The following FAM151B variants were observed in gnomAD, a reference collection of about 807,000 sequenced individuals.
FAM151B encodes the protein family with sequence similarity 151 member B, also known as protein FAM151B.
In FAM151B, 24 loss-of-function variants were observed where a neutral mutation model predicts 31.2. That is an observed-to-expected ratio of 0.77 (90% confidence interval 0.56 to 1.08). The LOEUF is 1.08. Ranked by LOEUF, FAM151B falls within the 50% of genes least tolerant of loss-of-function variation. The pLI is 0.00. For missense variants in FAM151B, 293 were observed against 328.6 expected, an observed-to-expected ratio of 0.89 and a Z score of 0.84; for synonymous variants, 105 against 111.4, an observed-to-expected ratio of 0.94 and a Z score of 0.36.
intron 2 of FAM151B, among the ~76,000 whole-genome samples, chr5:80,506,449 C>G (rs534531475): frequency 6.6e-6 from 1 of 152,276 alleles, no homozygotes; most frequent in South Asian, 2.1e-4. Context: ...TAAAGCTCAC[C>G]TGACCCCTGG....
At position 80,542,124 on chromosome 5, in the gene FAM151B, G is replaced by T; in HGVS notation, c.*292G>T. ...TAGTTTTGATAAACTAAAGATGATT[G>T]GCAGAATCCATATGTCATAAAACAG... is the stretch of plus-strand genomic sequence containing the variant. On this transcript the variant is annotated 3_prime_UTR_variant, in exon 6 of 6. Transcript: ENST00000282226. 1 of 288,628 alleles carries T rather than the reference G, an allele frequency of 3.5e-6. No individual in the cohort carries two copies. The highest frequency in any genetic ancestry group is 6.4e-6 in the Non-Finnish European group (1 of 156,090). The allele number at this position is 288,628 out of a possible 1,614,324, so 17.9% of individuals were successfully genotyped here. A position where few individuals can be genotyped will look rare whatever the true frequency, so the allele number is the denominator to read the frequency against.
chr5:80,531,794 A>T (rs574156124), intron 5 of FAM151B, among the ~76,000 whole-genome samples: 2 of 152,178 alleles, frequency 1.3e-5, no homozygotes, highest in Non-Finnish European at 2.9e-5. Flanking sequence ...TGGTGGGACT[A>T]TAAACTAGTT....
chr5:80,525,645 C>G (rs1744923494), intron 5 of FAM151B, among the ~76,000 whole-genome samples: 1 of 152,082 alleles, frequency 6.6e-6, no homozygotes, highest in South Asian at 2.1e-4. Context: ...TCTGCTAACC[C>G]TGGGAATGTC....
chr5:80,540,687 C>T (rs1005886466), intron 5 of FAM151B, among the ~76,000 whole-genome samples: 1 of 152,096 alleles, frequency 6.6e-6, no homozygotes, highest in South Asian at 2.1e-4. Flanking sequence ...TCCATTTTAG[C>T]AAAAAATATA....
At chr5:80,501,109 G>GT (rs1561362284) in intron 1 of FAM151B, 2 of 381,644 alleles carry the variant, frequency 5.2e-6, no homozygotes, top group Non-Finnish European at 9.7e-6. Flanking sequence ...TGCCTCCCAT[G>GT]TTCAAGCGAT....
At chr5:80,532,147 C>A (rs1745270498) in intron 5 of FAM151B, among the ~76,000 whole-genome samples, 1 of 144,910 alleles carries the variant, frequency 6.9e-6, no homozygotes, top group African/African-American at 2.6e-5. Flanking sequence ...TGTGTTCTCA[C>A]TCATAGGTGG....
chr5:80,513,695 C>T lies in FAM151B; in HGVS notation c.243C>T (p.Asn81=), dbSNP rs1469000804. Residue 81 remains asparagine (N), a synonymous_variant, in exon 3 of 6, where the codon AAC becomes AAT. Transcript: ENST00000282226. ...TTATGGCCCATCCCCCTGAAACAAA[C>T]AGTGATAATACTCTACAGGAGTGGC... ...QPIMAHPPET[N]SDNTLQEWLT... The T allele has an allele frequency of 3.7e-6, 6 of 1,613,982 alleles. No homozygotes were observed. The highest frequency in any genetic ancestry group is 2.2e-5 in the East Asian group (1 of 44,888).
intron 3 of FAM151B, among the ~76,000 whole-genome samples, chr5:80,518,138 A>C (rs6453519): frequency 6.6e-6 from 1 of 151,568 alleles, no homozygotes; most frequent in Non-Finnish European, 1.5e-5. Flanking sequence ...TAAACCACTC[A>C]CTCTATGTCA....
intron 4 of FAM151B, 80 bp downstream of exon 4, chr5:80,519,990 C>A: frequency 7.6e-7 from 1 of 1,322,702 alleles, no homozygotes; most frequent in South Asian, 1.4e-5. Flanking sequence ...ATACAAAGAC[C>A]AAAACCCATT....
chr5:80,532,395 A>G (rs1299851209), intron 5 of FAM151B, among the ~76,000 whole-genome samples: 1 of 152,214 alleles, frequency 6.6e-6, no homozygotes, highest in Admixed American at 6.5e-5. Flanking sequence ...CACAAAAACT[A>G]TAAGAGACTA....
chr5:80,511,930 G>A (rs753603875), intron 2 of FAM151B, among the ~76,000 whole-genome samples: 4 of 152,180 alleles, frequency 2.6e-5, no homozygotes, highest in Non-Finnish European at 4.4e-5. Context: ...TAAATGGTCA[G>A]CATTGTTTTT....
rs1554059092 is a variant in FAM151B at position 80,538,483 on chromosome 5, T to TTTCTTTCTTTCCTTCC, written c.672-3187_672-3186insTTTCTTTCCTTCCTTC. On this transcript the variant is annotated intron_variant, in intron 5 of 5. Transcript: ENST00000282226. ...CTTTCTTTCTTTCTTTCTTTCTTTC[T>TTTCTTTCTTTCCTTCC]TTCCTTCCTTCCTTCCTTTCTTTTC... Among the ~76,000 whole-genome samples the TTTCTTTCTTTCCTTCC allele has an allele frequency of 6.9e-4, 70 of 101,084 alleles. 1 individual carries two copies. The highest frequency in any genetic ancestry group is 1.0e-3 in the Non-Finnish European group (51 of 49,570). 66.3% of individuals were successfully genotyped at this position (101,084 alleles called of 152,430 possible). A position where few individuals can be genotyped will look rare whatever the true frequency, so the allele number is the denominator to read the frequency against.
chr5:80,529,661 A>G (rs1341553474), intron 5 of FAM151B, among the ~76,000 whole-genome samples: 1 of 152,216 alleles, frequency 6.6e-6, no homozygotes, highest in Non-Finnish European at 1.5e-5. Flanking sequence ...ATTCCTGGAC[A>G]CATATACCCT....
chr5:80,537,075 G>A (rs1193530954), intron 5 of FAM151B, among the ~76,000 whole-genome samples: 3 of 152,184 alleles, frequency 2.0e-5, no homozygotes, highest in Non-Finnish European at 2.9e-5. Flanking sequence ...ATAAATACCC[G>A]AGGGGTGGGA....
In FAM151B at chr5:80,513,649, G is replaced by T; in HGVS notation, c.197G>T (p.Gly66Val). 6.2e-7 allele frequency: 1 copy of T among 1,614,072 alleles called. No homozygotes were observed. ...IEADVLLPSD[G>V]SEHSQPIMAH... is the part of the protein sequence containing the mutation. The stretch of plus-strand genomic sequence containing the variant: ...GCTGATGTCCTTCTTCCAAGTGATG[G>T]ATCAGAACACAGCCAGCCAATTATG... The change falls in exon 3 of 6, where the codon GGA becomes GTA. Residue 66 changes from glycine (G) to valine (V), a missense_variant. Gly to Val is a moderately radical substitution (Grantham distance 109). Transcript: ENST00000282226.
intron 1 of FAM151B, among the ~76,000 whole-genome samples, chr5:80,492,868 C>G (rs796249728): frequency 4.6e-5 from 7 of 152,256 alleles, no homozygotes; most frequent in African/African-American, 1.7e-4. Context: ...GCAGGAGGAT[C>G]ACTTGAGCCC....
chr5:80,509,242 G>C (rs1004843513), intron 2 of FAM151B, among the ~76,000 whole-genome samples: 2 of 151,896 alleles, frequency 1.3e-5, no homozygotes, highest in African/African-American at 4.8e-5. Context: ...GGCTCCCAAA[G>C]TGCTGGGATT....
chr5:80,495,306 A>G (rs1743489827), intron 1 of FAM151B: 1 of 152,188 alleles, frequency 6.6e-6, no homozygotes, highest in Non-Finnish European at 1.5e-5. Flanking sequence ...TACAAGTCTT[A>G]TTATTTGAGA....
At position 80,512,771 on chromosome 5, in the gene FAM151B, C is replaced by T. The variant is rs188014594; in HGVS notation, c.152-833C>T. Among the ~76,000 whole-genome samples the T allele has an allele frequency of 4.9e-3, 656 of 133,004 alleles. 7 individuals carry two copies. The highest frequency in any genetic ancestry group is 0.019 in the African/African-American group (615 of 32,662). The allele number at this position is 133,004 out of a possible 152,430, so 87.3% of individuals were successfully genotyped here. On this transcript the variant is annotated intron_variant, in intron 2 of 5. Coordinates refer to ENST00000282226, the MANE Select transcript of FAM151B (RefSeq NM_205548.3). ...CATCAGCCTGGATGACAGGGTAAGA[C>T]CCTGTTTCTAAAAAAAAAAAAAAAG...
Sources: gnomAD v4.1 joint callset for allele counts (sites outside exome capture counted in the v4.1 genomes callset) on GRCh38, gnomAD v4.1.1 for gene constraint, MANE v1.5 for transcripts, NCBI Gene and HGNC (gene_info 2026-07-23, HGNC 2026-07-21) for gene names.